Variants in USP31 observed in about 807,000 individuals in gnomAD.
USP31 encodes ubiquitin carboxyl-terminal hydrolase 31.
A neutral mutation model predicts 119.4 loss-of-function variants in USP31; 44 were observed. That is an observed-to-expected ratio of 0.37 (90% CI 0.29 to 0.47). The LOEUF (loss-of-function observed/expected upper bound fraction) is 0.47. Ranked by LOEUF, USP31 falls within the 20% of genes least tolerant of loss-of-function variation. USP31 has a pLI of 0.99. For missense variants in USP31, 1,643 were observed against 1,730.2 expected (o/e 0.95, Z 0.89); for synonymous variants, 749 against 705.6 (o/e 1.06, Z -0.97).
At chr16:23,112,554 G>A (rs1031091969) in intron 1 of USP31, among the ~76,000 whole-genome samples, 1 of 151,344 alleles carries the variant, frequency 6.6e-6, no homozygotes, top group Non-Finnish European at 1.5e-5. Flanking sequence ...CAGCTTGGAC[G>A]AGAAGAGTGA....
At chr16:23,119,933 G>A (rs1169118721) in intron 1 of USP31, among the ~76,000 whole-genome samples, 1 of 152,146 alleles carries the variant, frequency 6.6e-6, no homozygotes, top group Non-Finnish European at 1.5e-5. Flanking sequence ...TGCTCTTCTG[G>A]TGGAGATTAA....
rs113524001 is a variant in USP31, at chr16:23,069,054, C to T, written c.3051G>A (p.Lys1017=). 3.1e-6 allele frequency: 5 copies of T among 1,612,860 alleles called. No homozygotes were observed. The highest frequency in any genetic ancestry group is 4.2e-6 in the Non-Finnish European group (5 of 1,180,020). ...ATCTCTTAGTTGTGCTCTCTGGTTT[C>T]TTTGCGAGTGAGCCTGGGTGGCTGG... The part of the protein sequence containing the change: ...KAPSHPGSLA[K]KPESTTKRSP... Residue 1017 remains lysine (K), a synonymous_variant, in exon 16 of 16, where the codon AAG becomes AAA. Transcript: ENST00000219689.
chr16:23,098,034 T>C (rs1314899050), intron 6 of USP31, among the ~76,000 whole-genome samples: 1 of 152,158 alleles, frequency 6.6e-6, no homozygotes, highest in Admixed American at 6.6e-5. Flanking sequence ...AGTCAAATTG[T>C]CCCTGTTTGC....
intron 1 of USP31, among the ~76,000 whole-genome samples, chr16:23,146,324 C>T (rs1169234767): frequency 1.3e-5 from 2 of 152,012 alleles, no homozygotes; most frequent in Non-Finnish European, 1.5e-5. Flanking sequence ...GGCACGGTGG[C>T]TCACGCCTGT....
At chr16:23,131,007 C>T (rs540085962) in intron 1 of USP31, among the ~76,000 whole-genome samples, 1 of 152,134 alleles carries the variant, frequency 6.6e-6, no homozygotes, top group African/African-American at 2.4e-5. Context: ...ACGCTATACC[C>T]GTCAAGACAT....
intron 6 of USP31, among the ~76,000 whole-genome samples, chr16:23,097,184 CA>C (rs935967160): frequency 1.9e-4 from 29 of 152,130 alleles, no homozygotes; most frequent in African/African-American, 7.0e-4. Flanking sequence ...CACAGAAATA[CA>C]AACTACCATC....
At chr16:23,130,031 G>A (rs142687977) in intron 1 of USP31, among the ~76,000 whole-genome samples, 1 of 152,262 alleles carries the variant, frequency 6.6e-6, no homozygotes, top group East Asian at 1.9e-4. Context: ...ACCTATTCCT[G>A]ATTATCAGTC....
intron 12 of USP31, among the ~76,000 whole-genome samples, chr16:23,081,282 G>C (rs1900811299): frequency 6.6e-6 from 1 of 152,170 alleles, no homozygotes; most frequent in South Asian, 2.1e-4. Context: ...AGAAACAGCA[G>C]GCTGGGATCC....
chr16:23,124,854 A>C (rs1902796121), intron 1 of USP31, among the ~76,000 whole-genome samples: 1 of 152,152 alleles, frequency 6.6e-6, no homozygotes, highest in African/African-American at 2.4e-5. Context: ...ATGCCACTGC[A>C]CTCCAGCCTG....
intron 1 of USP31, among the ~76,000 whole-genome samples, chr16:23,126,131 T>C (rs556872879): frequency 1.3e-5 from 2 of 151,314 alleles, no homozygotes; most frequent in South Asian, 4.2e-4. Context: ...GCCTAGGCAA[T>C]ATACCAAGAA....
rs71151692 is a variant in USP31 at position 23,082,831 on chromosome 16, C to CTTTTTTTTTTTT, written c.1831-286_1831-275dup. 3.7e-4 allele frequency among the ~76,000 whole-genome samples: 48 copies of CTTTTTTTTTTTT among 129,300 alleles called. 1 individual carries two copies. The highest frequency in any genetic ancestry group is 5.0e-4 in the South Asian group (2 of 3,964). 84.8% of individuals were successfully genotyped at this position (129,300 alleles called of 152,430 possible). The stretch of plus-strand genomic sequence containing the variant: ...TAAATATGTTACTTTCTTTCTCTCT[C>CTTTTTTTTTTTT]TTTTTTTTTTTTTTTTTGAAACAGA... On this transcript the variant is annotated intron_variant, in intron 11 of 15. Coordinates refer to ENST00000219689, the MANE Select transcript of USP31 (RefSeq NM_020718.4).
At chr16:23,101,055 T>G (rs1311791667) in intron 6 of USP31, among the ~76,000 whole-genome samples, 6 of 152,044 alleles carry the variant, frequency 3.9e-5, no homozygotes. Context: ...GATTTGATCT[T>G]AGAAAAGGGG....
In USP31 at chr16:23,119,570, G is replaced by C. The variant is rs192882081; in HGVS notation, c.634-11387C>G. 7.9e-5 allele frequency among the ~76,000 whole-genome samples: 12 copies of C among 152,312 alleles called. No homozygotes were observed. In the South Asian group the frequency reaches 2.5e-3, roughly 32 times the overall value. ...CAATTCTCAGTTAGACATAAAGCACGACTGAGCTACAGCTGCACCAACCTT... is the reference window on the plus strand; with the variant it reads ...CAATTCTCAGTTAGACATAAAGCACCACTGAGCTACAGCTGCACCAACCTT... On this transcript the variant is annotated intron_variant, in intron 1 of 15. Coordinates refer to ENST00000219689, the MANE Select transcript of USP31 (RefSeq NM_020718.4).
chr16:23,071,690 GC>G (rs1196532687), intron 15 of USP31, among the ~76,000 whole-genome samples: 1 of 151,060 alleles, frequency 6.6e-6, no homozygotes, highest in African/African-American at 2.4e-5. Context: ...CGTGGCCTGG[GC>G]AAAGCACAAT....
intron 1 of USP31, among the ~76,000 whole-genome samples, chr16:23,116,998 G>C (rs990759832): frequency 6.6e-6 from 1 of 151,950 alleles, no homozygotes; most frequent in South Asian, 2.1e-4. Context: ...TATTTTTTTC[G>C]ATTTCTAATT....
In USP31 at chr16:23,072,238, C is replaced by T. The variant is rs746890385; in HGVS notation, c.2336-41G>A. 1.9e-6 allele frequency: 3 copies of T among 1,575,718 alleles called. No homozygotes were observed. The Admixed American group carries it at 5.4e-5, about 29-fold the overall frequency. ...CAGGCATAGAGGTCAGGCTGGGGTC[C>T]CTCGGCCAGCCCTGAGCCACACACA... On this transcript the variant is annotated intron_variant, in intron 14 of 15. Transcript: ENST00000219689.
At chr16:23,084,316 T>C (rs1265448495) in intron 11 of USP31, among the ~76,000 whole-genome samples, 1 of 152,196 alleles carries the variant, frequency 6.6e-6, no homozygotes, top group Non-Finnish European at 1.5e-5. Flanking sequence ...GGGTCCCTAC[T>C]ACCTGCGAAG....
Position 23,148,697 on chromosome 16 carries a change from G to A in USP31, c.574C>T (p.His192Tyr). The A allele has an allele frequency of 6.7e-7, 1 of 1,493,368 alleles. No individual in the cohort carries two copies. 92.5% of individuals were successfully genotyped at this position (1,493,368 alleles called of 1,614,324 possible). Residue 192 changes from histidine to tyrosine, a missense_variant, in exon 1 of 16, where the codon CAC becomes TAC. His to Tyr is a moderately conservative substitution (Grantham distance 83). This residue lies in a region of USP31 where 144 missense variants were observed against 218.0 expected (regional missense o/e 0.66). Coordinates refer to ENST00000219689, the MANE Select transcript of USP31 (RefSeq NM_020718.4). ...GQGEVTEQLA[H>Y]LVRALWTLEY... ...AGGGTCCAGAGGGCCCGCACCAGGT[G>A]CGCCAGCTGCTCAGTGACCTCGCCC... is the stretch of plus-strand genomic sequence containing the variant.
intron 1 of USP31, among the ~76,000 whole-genome samples, chr16:23,139,704 C>T (rs1210567282): frequency 6.6e-6 from 1 of 152,160 alleles, no homozygotes; most frequent in East Asian, 1.9e-4. Flanking sequence ...TCCTAAATTG[C>T]ACCTGATTTC....
Sources: gnomAD v4.1 joint callset for allele counts (sites outside exome capture counted in the v4.1 genomes callset) on GRCh38, gnomAD v4.1.1 for gene constraint, gnomAD v4.1.1 regional missense constraint, MANE v1.5 for transcripts, NCBI Gene and HGNC (gene_info 2026-07-23, HGNC 2026-07-21) for gene names.